The following NFXL1 variants were observed in gnomAD, a reference collection of about 807,000 sequenced individuals.
NFXL1 encodes the protein nuclear transcription factor, X-box binding like 1, also known as NF-X1-type zinc finger protein NFXL1.
Under a neutral mutation model 123.3 loss-of-function variants are expected in NFXL1, and 66 were observed. That is an observed-to-expected ratio of 0.54 (90% CI 0.44 to 0.66). The LOEUF is 0.66. Ranked by LOEUF, NFXL1 falls within the 30% of genes least tolerant of loss-of-function variation. The pLI, the probability that NFXL1 is intolerant of heterozygous loss-of-function variation, is 0.00. For synonymous variants in NFXL1, 346 were observed against 360.8 expected, an observed-to-expected ratio of 0.96 and a Z score of 0.46; for missense variants, 944 against 1,125.6, an observed-to-expected ratio of 0.84 and a Z score of 2.31.
chr4:47,868,318 CA>C (rs1213955591), intron 18 of NFXL1, among the ~76,000 whole-genome samples: 113 of 90,780 alleles, frequency 1.2e-3, no homozygotes, highest in South Asian at 2.1e-3. Flanking sequence ...GACTCCGTCT[CA>C]AAAAAAAAAA....
In NFXL1 at chr4:47,910,820, G is replaced by C. The variant is rs369473763; in HGVS notation, c.406+4C>G. The C allele has an allele frequency of 7.1e-6, 11 of 1,544,950 alleles. No individual in the cohort carries two copies. In the African/African-American group the frequency reaches 1.4e-4, roughly 20 times the overall value. Reference sequence around the variant, plus strand: ...TCAAAAGTCAAAATTTAAAAGATCAGTACCTGTCTGAGTAGTGTATGTTAT... The same window carrying C: ...TCAAAAGTCAAAATTTAAAAGATCACTACCTGTCTGAGTAGTGTATGTTAT... On this transcript the variant is annotated splice_donor_region_variant and intron_variant, in intron 3 of 22. Coordinates refer to ENST00000507489, the MANE Select transcript of NFXL1 (RefSeq NM_001278624.2).
At chr4:47,875,783 T>C (rs1298755676) in intron 17 of NFXL1, among the ~76,000 whole-genome samples, 2 of 152,024 alleles carry the variant, frequency 1.3e-5, no homozygotes, top group African/African-American at 2.4e-5. Flanking sequence ...GAAACACATA[T>C]ACAATGAAAA....
At chr4:47,885,363 G>C (rs1736363841) in intron 14 of NFXL1, 135 bp downstream of exon 14, 4 of 662,932 alleles carry the variant, frequency 6.0e-6, no homozygotes, top group East Asian at 2.6e-5. Context: ...ATCAAGTCTT[G>C]ATTACCTTGT....
intron 10 of NFXL1, among the ~76,000 whole-genome samples, chr4:47,894,899 C>G (rs1294571141): frequency 6.6e-6 from 1 of 152,162 alleles, no homozygotes; most frequent in East Asian, 1.9e-4. Context: ...TCAGAGGAAT[C>G]ACTATCTACG....
chr4:47,872,351 A>C (rs1417945425), intron 18 of NFXL1, among the ~76,000 whole-genome samples: 2 of 151,868 alleles, frequency 1.3e-5, no homozygotes, highest in Admixed American at 6.6e-5. Flanking sequence ...AATCCCAGCT[A>C]CTCAGGAGGC....
At chr4:47,903,774 CA>C (rs777365234) in intron 4 of NFXL1, among the ~76,000 whole-genome samples, 22 of 152,062 alleles carry the variant, frequency 1.4e-4, no homozygotes, top group Non-Finnish European at 2.4e-4. Flanking sequence ...AATCTTTAAA[CA>C]TAAATATGTA....
At chr4:47,865,308 T>C (rs933207598) in intron 18 of NFXL1, among the ~76,000 whole-genome samples, 4 of 152,164 alleles carry the variant, frequency 2.6e-5, no homozygotes, top group Non-Finnish European at 4.4e-5. Context: ...TATACTTTAA[T>C]ATGTATTTAA....
intron 10 of NFXL1, 116 bp from the exon 11 acceptor site, chr4:47,894,418 A>T (rs925106307): frequency 3.2e-6 from 2 of 617,760 alleles, no homozygotes; most frequent in African/African-American, 3.8e-5. Flanking sequence ...CTAAATTTGT[A>T]TAACAAACTT....
chr4:47,872,606 G>A (rs1262479254), intron 18 of NFXL1, among the ~76,000 whole-genome samples: 1 of 152,100 alleles, frequency 6.6e-6, no homozygotes, highest in African/African-American at 2.4e-5. Flanking sequence ...GCTTCCCAGT[G>A]CATATAAAAG....
intron 2 of NFXL1, 101 bp downstream of exon 2, chr4:47,913,868 G>A (rs537142411): frequency 3.9e-6 from 3 of 768,128 alleles, no homozygotes; most frequent in Non-Finnish European, 5.9e-6. Context: ...CCGAACGAGG[G>A]GAAAAGCAGT....
intron 16 of NFXL1, 57 bp from the exon 17 acceptor site, chr4:47,878,722 TTA>T (rs1403095237): frequency 3.1e-6 from 4 of 1,303,776 alleles, no homozygotes; most frequent in Non-Finnish European, 4.0e-6. Context: ...TCTGGACATA[TTA>T]TATGTTTCCA....
At chr4:47,902,178 T>C (rs991178512) in intron 5 of NFXL1, among the ~76,000 whole-genome samples, 16 of 151,288 alleles carry the variant, frequency 1.1e-4, no homozygotes, top group African/African-American at 3.9e-4. Context: ...CAAAACTCTG[T>C]CTCAAAAAAA....
At chr4:47,859,028 C>T (rs1734573428) in intron 19 of NFXL1, among the ~76,000 whole-genome samples, 1 of 152,126 alleles carries the variant, frequency 6.6e-6, no homozygotes, top group African/African-American at 2.4e-5. Context: ...GACTTGAATG[C>T]ATAAGATAAA....
intron 12 of NFXL1, among the ~76,000 whole-genome samples, chr4:47,889,443 T>C (rs1363570676): frequency 1.3e-5 from 2 of 152,140 alleles, no homozygotes; most frequent in Admixed American, 1.3e-4. Context: ...ATAATGGAAA[T>C]AACATAAACA....
At chr4:47,850,859 A>G (rs1292907640) in intron 22 of NFXL1, among the ~76,000 whole-genome samples, 1 of 152,138 alleles carries the variant, frequency 6.6e-6, no homozygotes. Flanking sequence ...TTGGCAAGAA[A>G]GTAAATTGGA....
At chr4:47,873,757 G>C (rs1560588686) in intron 18 of NFXL1, among the ~76,000 whole-genome samples, 1 of 152,148 alleles carries the variant, frequency 6.6e-6, no homozygotes, top group Non-Finnish European at 1.5e-5. Context: ...AAGAGAGTTT[G>C]CCTGTCCTTT....
At chr4:47,879,896 C>T (rs975528331) in intron 15 of NFXL1, among the ~76,000 whole-genome samples, 2 of 152,038 alleles carry the variant, frequency 1.3e-5, no homozygotes, top group Non-Finnish European at 2.9e-5. Context: ...CCTAGGCAGA[C>T]CCTAAGCCTT....
intron 19 of NFXL1, among the ~76,000 whole-genome samples, chr4:47,857,395 C>A (rs558999310): frequency 1.4e-4 from 21 of 152,236 alleles, no homozygotes; most frequent in African/African-American, 4.8e-4. Flanking sequence ...TAAAGGAAGA[C>A]CTTTTGAAAA....
intron 18 of NFXL1, among the ~76,000 whole-genome samples, chr4:47,866,027 T>TA (rs886864802): frequency 1.1e-4 from 17 of 149,968 alleles, no homozygotes; most frequent in Admixed American, 9.3e-4. Flanking sequence ...AAAATAAAAA[T>TA]AAAAAAAAAT....
Sources: gnomAD v4.1 joint callset for allele counts (sites outside exome capture counted in the v4.1 genomes callset) on GRCh38, gnomAD v4.1.1 for gene constraint, MANE v1.5 for transcripts, NCBI Gene and HGNC (gene_info 2026-07-23, HGNC 2026-07-21) for gene names.